The following RFFL variants were observed in gnomAD, a reference collection of about 807,000 sequenced individuals.
The protein encoded by RFFL is ring finger and FYVE like domain containing E3 ubiquitin protein ligase, also known as E3 ubiquitin-protein ligase rififylin.
A neutral mutation model predicts 40.4 loss-of-function variants in RFFL; 16 were observed. That is an observed-to-expected ratio of 0.40 (90% confidence interval 0.27 to 0.60). The LOEUF is 0.60. RFFL is among the 20% of genes least tolerant of loss of function. The pLI, the probability that RFFL is intolerant of heterozygous loss-of-function variation, is 0.47. For synonymous variants in RFFL, 154 were observed against 167.9 expected (o/e 0.92, Z 0.64); for missense variants, 367 against 451.7 (o/e 0.81, Z 1.70).
At position 35,006,559 on chromosome 17, in the gene RFFL, C is replaced by T. The variant is rs1447044076; in HGVS notation, c.*5409G>A. ...TAGTTATCTAGAGTTGGGAACGTCACTCCTGGTGTGCATGTCCAGACCCTA... is the reference window on the plus strand; with the variant it reads ...TAGTTATCTAGAGTTGGGAACGTCATTCCTGGTGTGCATGTCCAGACCCTA... On this transcript the variant is annotated 3_prime_UTR_variant, in exon 7 of 7. Transcript: ENST00000394597. 1.3e-5 allele frequency: 2 copies of T among 152,284 alleles called. No individual in the cohort carries two copies. The highest frequency in any genetic ancestry group is 4.8e-5 in the African/African-American group (2 of 41,454). The allele number at this position is 152,284 out of a possible 1,614,324, so 9.4% of individuals were successfully genotyped here.
chr17:35,084,513 G>A lies in RFFL; in HGVS notation c.-9+4592C>T, dbSNP rs185633467. Among the ~76,000 whole-genome samples, 102 of 152,270 alleles carry A rather than the reference G, an allele frequency of 6.7e-4. No individual in the cohort carries two copies. The Middle Eastern group carries it at 0.017, about 25-fold the overall frequency. On this transcript the variant is annotated intron_variant, in intron 1 of 6. Coordinates refer to the RFFL transcript ENST00000315249. ...GGTGGCTGAGGCAGGCACATCACTTGAACCTGGGAGGTGGAGGTTACAGTG... is the reference window on the plus strand; with the variant it reads ...GGTGGCTGAGGCAGGCACATCACTTAAACCTGGGAGGTGGAGGTTACAGTG...
At chr17:35,046,001 G>C (rs955047696) in intron 1 of RFFL, among the ~76,000 whole-genome samples, 8 of 148,826 alleles carry the variant, frequency 5.4e-5, no homozygotes, top group Admixed American at 2.0e-4. Context: ...CTCCACCCTG[G>C]CTGACAGAGT....
At chr17:35,087,283 C>G in intron 1 of RFFL, among the ~76,000 whole-genome samples, 1 of 151,418 alleles carries the variant, frequency 6.6e-6, no homozygotes, top group Admixed American at 6.6e-5. Context: ...CCTAGGAGGT[C>G]AAGGCTGCAG....
Position 35,011,166 on chromosome 17 carries a change from G to C in RFFL, c.*802C>G, listed in dbSNP as rs1275221534. On this transcript the variant is annotated 3_prime_UTR_variant, in exon 7 of 7. Transcript: ENST00000394597. ...GCTTCCCCTTTCCGCATAAACTAAG[G>C]ATGGTGCAAATCAGGTCCCAAGAGA... 2.0e-5 allele frequency: 3 copies of C among 152,206 alleles called. No individual in the cohort carries two copies. Among genetic ancestry groups the C allele is most frequent in the Non-Finnish European group, 1.5e-5 (1 of 68,054 alleles). The allele number at this position is 152,206 out of a possible 1,614,324, so 9.4% of individuals were successfully genotyped here.
intron 5 of RFFL, among the ~76,000 whole-genome samples, chr17:35,015,084 G>A (rs1210130210): frequency 2.0e-5 from 3 of 151,890 alleles, no homozygotes; most frequent in East Asian, 1.9e-4. Context: ...CTCCTGCCTC[G>A]GCCTCCTGAG....
At chr17:35,062,608 G>C (rs1192644486) in intron 1 of RFFL, among the ~76,000 whole-genome samples, 1 of 152,168 alleles carries the variant, frequency 6.6e-6, no homozygotes, top group Non-Finnish European at 1.5e-5. Flanking sequence ...AGTAAGAAGA[G>C]GCTTCATGGA....
At chr17:35,067,033 T>TG (rs2091324077), upstream of RFFL, among the ~76,000 whole-genome samples, 2 of 151,764 alleles carry the variant, frequency 1.3e-5, no homozygotes, top group African/African-American at 2.4e-5. Context: ...TCAACAGGGG[T>TG]GCTTATTGAA....
At chr17:35,066,654 A>G (rs2091322225), upstream of RFFL, among the ~76,000 whole-genome samples, 1 of 152,106 alleles carries the variant, frequency 6.6e-6, no homozygotes, top group African/African-American at 2.4e-5. Flanking sequence ...TCCTCTCAAC[A>G]TCTCCCTTTT....
chr17:35,020,988 G>A (rs962364389), intron 3 of RFFL, among the ~76,000 whole-genome samples: 8 of 152,144 alleles, frequency 5.3e-5, no homozygotes, highest in Admixed American at 1.3e-4. Flanking sequence ...AAGGAACTAA[G>A]TTTCCAATCC....
intron 1 of RFFL, among the ~76,000 whole-genome samples, chr17:35,034,074 C>T (rs557438676): frequency 1.1e-4 from 16 of 150,328 alleles, no homozygotes; most frequent in East Asian, 1.9e-4. Context: ...ACCCGGGAGG[C>T]GGAGCTTGCA....
At chr17:35,080,135 G>C (rs917684029) in intron 1 of RFFL, among the ~76,000 whole-genome samples, 1 of 152,092 alleles carries the variant, frequency 6.6e-6, no homozygotes, top group Non-Finnish European at 1.5e-5. Context: ...CTCCAAATTA[G>C]AACATTCCTT....
chr17:35,072,313 T>G (rs1567716598), intron 1 of RFFL, among the ~76,000 whole-genome samples: 1 of 151,394 alleles, frequency 6.6e-6, no homozygotes, highest in Non-Finnish European at 1.5e-5. Context: ...AATTGTTCTA[T>G]GCATATAAAA....
chr17:35,017,490 A>G, intron 4 of RFFL, 33 bp downstream of exon 4: 2 of 1,408,722 alleles, frequency 1.4e-6, no homozygotes, highest in Non-Finnish European at 2.0e-6. Context: ...GAAAGAGGAA[A>G]GGTGAAGACA....
chr17:35,074,968 A>T (rs576400920), intron 1 of RFFL, among the ~76,000 whole-genome samples: 1 of 152,202 alleles, frequency 6.6e-6, no homozygotes, highest in Non-Finnish European at 1.5e-5. Flanking sequence ...GCCAACATAC[A>T]ATTTCAATAG....
intron 4 of RFFL, 62 bp from the exon 5 acceptor site, chr17:35,016,642 G>A (rs2090975582): frequency 2.9e-6 from 4 of 1,371,578 alleles, no homozygotes; most frequent in South Asian, 2.5e-5. Context: ...CTTTCTCCAA[G>A]GACCCCAAAG....
At chr17:35,026,296 G>C (rs1305559144) in intron 2 of RFFL, 78 bp downstream of exon 2, 2 of 1,374,166 alleles carry the variant, frequency 1.5e-6, no homozygotes, top group Admixed American at 2.1e-5. Flanking sequence ...AAGGTTGCAG[G>C]CATTCAGAGG....
At chr17:35,070,484 G>C (rs928548041) in intron 1 of RFFL, among the ~76,000 whole-genome samples, 4 of 152,236 alleles carry the variant, frequency 2.6e-5, no homozygotes, top group Admixed American at 1.3e-4. Flanking sequence ...TAGAAATAAA[G>C]TACCTAAGAC....
chr17:35,019,277 C>T (rs909004931), intron 3 of RFFL, among the ~76,000 whole-genome samples: 1 of 152,092 alleles, frequency 6.6e-6, no homozygotes, highest in African/African-American at 2.4e-5. Flanking sequence ...CCACTTAGAT[C>T]TTGTATGTAG....
upstream of RFFL, among the ~76,000 whole-genome samples, chr17:35,067,490 T>A (rs2091326434): frequency 7.0e-6 from 1 of 142,950 alleles, no homozygotes; most frequent in African/African-American, 2.7e-5. Flanking sequence ...AGAGTCTCGC[T>A]CTGTCGCCCA....
Sources: allele counts gnomAD v4.1 joint callset (sites outside exome capture counted in the v4.1 genomes callset), GRCh38; gene constraint gnomAD v4.1.1; transcripts MANE v1.5; gene names NCBI Gene and HGNC (gene_info 2026-07-23, HGNC 2026-07-21).